PKHD1: variants seen among roughly 807,000 people sequenced by gnomAD.
The protein encoded by PKHD1 is PKHD1 ciliary IPT domain containing fibrocystin/polyductin, also known as fibrocystin.
In PKHD1, 291 loss-of-function variants were observed where a neutral mutation model predicts 412.0. That is an observed-to-expected ratio of 0.71 (90% CI 0.64 to 0.78). PKHD1 has a LOEUF of 0.78. Among genes scored for constraint, PKHD1 ranks in the 30% least tolerant of loss-of-function variants. The pLI, the probability that PKHD1 is intolerant of heterozygous loss-of-function variation, is 0.00. For synonymous variants in PKHD1, 1,777 were observed against 1,821.5 expected (o/e 0.98, Z 0.62); for missense variants, 4,825 against 4,950.7 (o/e 0.97, Z 0.76).
intron 60 of PKHD1, among the ~76,000 whole-genome samples, chr6:51,736,699 A>C (rs1783894086): frequency 6.6e-6 from 1 of 152,194 alleles, no homozygotes; most frequent in African/African-American, 2.4e-5. Context: ...AGACCTCTGC[A>C]AGCACAGATA....
chr6:51,888,504 A>G (rs1344426162), intron 43 of PKHD1, among the ~76,000 whole-genome samples: 1 of 151,950 alleles, frequency 6.6e-6, no homozygotes, highest in South Asian at 2.1e-4. Context: ...TGGTTCCAAC[A>G]TGTTCAAACC....
At chr6:51,635,867 GCGGGGGGC>G (rs1561996607) in intron 64 of PKHD1, among the ~76,000 whole-genome samples, 26 of 86,512 alleles carry the variant, frequency 3.0e-4, no homozygotes, top group Non-Finnish European at 4.5e-4. Context: ...GTGGGGGGGG[GCGGGGGGC>G]CGGGGGCGGA....
intron 19 of PKHD1, 38 bp downstream of exon 19, chr6:52,055,549 T>C (rs1807577586): frequency 6.2e-7 from 1 of 1,611,312 alleles, no homozygotes; most frequent in Middle Eastern, 1.7e-4. Flanking sequence ...TACCAATACC[T>C]ACCCACCTGA....
At chr6:51,762,972 A>C (rs9367450) in intron 55 of PKHD1, among the ~76,000 whole-genome samples, 1 of 151,758 alleles carries the variant, frequency 6.6e-6, no homozygotes, top group Non-Finnish European at 1.5e-5. Context: ...TTAACATTTT[A>C]AAAAAGGTTT....
chr6:51,714,226 C>G (rs1780986934), intron 60 of PKHD1, among the ~76,000 whole-genome samples: 1 of 152,102 alleles, frequency 6.6e-6, no homozygotes, highest in South Asian at 2.1e-4. Context: ...AAAAATTAGC[C>G]AGGTGTGGTG....
intron 46 of PKHD1, 102 bp from the exon 47 acceptor site, chr6:51,870,741 T>G: frequency 1.2e-4 from 102 of 865,440 alleles, no homozygotes; most frequent in Non-Finnish European, 1.6e-4. Context: ...AAAAGCGAGC[T>G]ATTGACTAAG....
At chr6:51,644,067 C>T (rs1475008436) in intron 63 of PKHD1, among the ~76,000 whole-genome samples, 2 of 151,960 alleles carry the variant, frequency 1.3e-5, no homozygotes, top group South Asian at 2.1e-4. Flanking sequence ...GGTTTTGAAG[C>T]TATGAACTGT....
intron 52 of PKHD1, among the ~76,000 whole-genome samples, chr6:51,807,036 G>A (rs1291693980): frequency 6.6e-6 from 1 of 152,080 alleles, no homozygotes; most frequent in African/African-American, 2.4e-5. Flanking sequence ...CACACTTTCA[G>A]TTCACCTCTA....
rs572187387 is a variant in PKHD1, at chr6:51,776,277, G to GTTGTT, written c.8441-361_8441-357dup. 4.7e-3 allele frequency among the ~76,000 whole-genome samples: 709 copies of GTTGTT among 152,064 alleles called. 3 individuals are homozygous for GTTGTT. Among genetic ancestry groups the GTTGTT allele is most frequent in the African/African-American group, 0.016 (673 of 41,524 alleles). On this transcript the variant is annotated intron_variant, in intron 53 of 66. Coordinates refer to ENST00000371117, the MANE Select transcript of PKHD1 (RefSeq NM_138694.4). ...GTTGATGCTTTAAGGGACTTGGCAA[G>GTTGTT]TTGTTTTGTTTTGTTTTATTTCATT...
intron 48 of PKHD1, among the ~76,000 whole-genome samples, chr6:51,863,756 A>T (rs1337310737): frequency 6.6e-6 from 1 of 152,204 alleles, no homozygotes; most frequent in Non-Finnish European, 1.5e-5. Flanking sequence ...GGTCTTCTGA[A>T]GAAAAGCCGA....
rs115013187 is a variant in PKHD1 at position 51,992,762 on chromosome 6, T to C, written c.5751+17547A>G. On this transcript the variant is annotated intron_variant, in intron 35 of 66. Coordinates refer to ENST00000371117, the MANE Select transcript of PKHD1 (RefSeq NM_138694.4). ...TTCCAGGAGCAGTGCATTGTTAACTTATCAGACACATTAATAAATTCCTAT... is the reference window on the plus strand; with the variant it reads ...TTCCAGGAGCAGTGCATTGTTAACTCATCAGACACATTAATAAATTCCTAT... Among the ~76,000 whole-genome samples the C allele has an allele frequency of 3.2e-3, 480 of 152,334 alleles. 5 individuals are homozygous for C. The highest frequency in any genetic ancestry group is 0.011 in the African/African-American group (461 of 41,576).
chr6:51,971,256 T>C (rs961671315), intron 35 of PKHD1, among the ~76,000 whole-genome samples: 1 of 152,236 alleles, frequency 6.6e-6, no homozygotes, highest in Non-Finnish European at 1.5e-5. Flanking sequence ...TCATTTGTTA[T>C]GCAGCAACAG....
rs139883038 is a variant in PKHD1, at chr6:52,047,440, C to T, written c.2407+1052G>A. On this transcript the variant is annotated intron_variant, in intron 23 of 66. Coordinates refer to ENST00000371117, the MANE Select transcript of PKHD1 (RefSeq NM_138694.4). ...GACCATGTTCCAACTTTTATACAGC[C>T]CCTCTCAAGTTCTACTGAGCCTTGC... Among the ~76,000 whole-genome samples the T allele has an allele frequency of 2.2e-3, 339 of 152,258 alleles. 1 individual carries two copies. The highest frequency in any genetic ancestry group is 7.9e-3 in the African/African-American group (327 of 41,524).
At chr6:51,791,483 G>C in intron 52 of PKHD1, 110 bp from the exon 53 acceptor site, 2 of 945,416 alleles carry the variant, frequency 2.1e-6, no homozygotes, top group East Asian at 5.1e-5. Flanking sequence ...ATCTAAACCA[G>C]GACAGGTATA....
chr6:51,634,096 C>T (rs569685944), intron 64 of PKHD1, among the ~76,000 whole-genome samples: 2 of 152,150 alleles, frequency 1.3e-5, no homozygotes, highest in African/African-American at 4.8e-5. Context: ...ACAGTTACAG[C>T]CAGCATTTTT....
At chr6:51,967,717 AC>A (rs1793035448) in intron 35 of PKHD1, among the ~76,000 whole-genome samples, 1 of 152,112 alleles carries the variant, frequency 6.6e-6, no homozygotes, top group Non-Finnish European at 1.5e-5. Flanking sequence ...ATGAATACAC[AC>A]ACACACACAC....
At chr6:52,037,242 T>C (rs932748738) in intron 27 of PKHD1, among the ~76,000 whole-genome samples, 1 of 152,076 alleles carries the variant, frequency 6.6e-6, no homozygotes, top group African/African-American at 2.4e-5. Flanking sequence ...ATTTATCAAA[T>C]ATTTAAATAT....
intron 15 of PKHD1, among the ~76,000 whole-genome samples, chr6:52,059,203 T>C (rs1397289492): frequency 1.3e-5 from 2 of 152,010 alleles, no homozygotes; most frequent in Non-Finnish European, 2.9e-5. Flanking sequence ...TCAATGTGCC[T>C]TTTGCTATCC....
intron 60 of PKHD1, among the ~76,000 whole-genome samples, chr6:51,666,594 A>G (rs1361775689): frequency 6.6e-6 from 1 of 151,986 alleles, no homozygotes; most frequent in African/African-American, 2.4e-5. Flanking sequence ...CATGTGCACA[A>G]TGTGCAGGTT....
Sources: allele counts gnomAD v4.1 joint callset (sites outside exome capture counted in the v4.1 genomes callset), GRCh38; gene constraint gnomAD v4.1.1; transcripts MANE v1.5; gene names NCBI Gene and HGNC (gene_info 2026-07-23, HGNC 2026-07-21).